OSBPL8: variants seen among roughly 807,000 people sequenced by gnomAD.
The protein encoded by OSBPL8 is oxysterol-binding protein-related protein 8.
OSBPL8 carries 59 observed loss-of-function variants against 125.5 expected under a neutral mutation model. That is an observed-to-expected ratio of 0.47 (90% CI 0.38 to 0.58). The LOEUF (loss-of-function observed/expected upper bound fraction) is 0.58. OSBPL8 is among the 20% of genes least tolerant of loss of function. The probability of loss-of-function intolerance (pLI) is 0.00; values close to 1 mark genes in which losing one functional copy is unlikely to be tolerated. For synonymous variants in OSBPL8, 330 were observed against 338.9 expected (o/e 0.97, Z 0.29); for missense variants, 758 against 1,047.8 (o/e 0.72, Z 3.82).
At chr12:76,414,553 G>T (rs1188480611) in intron 4 of OSBPL8, among the ~76,000 whole-genome samples, 1 of 150,028 alleles carries the variant, frequency 6.7e-6, no homozygotes, top group African/African-American at 2.5e-5. Flanking sequence ...CCTGTAACAG[G>T]CAATCCTTCA....
intron 2 of OSBPL8, among the ~76,000 whole-genome samples, chr12:76,478,187 G>A (rs1276088670): frequency 1.3e-5 from 2 of 151,978 alleles, no homozygotes; most frequent in Non-Finnish European, 2.9e-5. Flanking sequence ...AGGCAACAGA[G>A]CGAGACTCCA....
chr12:76,513,287 G>A (rs899455733), intron 1 of OSBPL8, among the ~76,000 whole-genome samples: 2 of 152,176 alleles, frequency 1.3e-5, no homozygotes, highest in African/African-American at 2.4e-5. Flanking sequence ...TGTGGTCCAA[G>A]AGCGTGTTTG....
At chr12:76,389,079 G>A (rs1253030232) in intron 12 of OSBPL8, among the ~76,000 whole-genome samples, 1 of 152,142 alleles carries the variant, frequency 6.6e-6, no homozygotes, top group Non-Finnish European at 1.5e-5. Context: ...AAATTGCTGG[G>A]ACAGAGGTGG....
chr12:76,530,535 T>G lies in OSBPL8; in HGVS notation c.-68+28862A>C, dbSNP rs994752899. 2.6e-5 allele frequency among the ~76,000 whole-genome samples: 4 copies of G among 152,324 alleles called. No homozygotes were observed. The East Asian group carries it at 7.7e-4, about 29-fold the overall frequency. On this transcript the variant is annotated intron_variant, in intron 1 of 23. Coordinates refer to ENST00000261183, the MANE Select transcript of OSBPL8 (RefSeq NM_020841.5). ...GCCTCCTCCCATTCTTTTATTCATC[T>G]TTTTACCAACTACTTTTTTTTCCAA...
chr12:76,412,408 A>T (rs1378726862), intron 4 of OSBPL8, among the ~76,000 whole-genome samples: 1 of 151,848 alleles, frequency 6.6e-6, no homozygotes, highest in Non-Finnish European at 1.5e-5. Context: ...CTGCACACTT[A>T]ATTACATGTA....
rs1293574731 is a variant in OSBPL8 at position 76,356,643 on chromosome 12, T to C, written c.2520A>G (p.Thr840=). Residue 840 remains threonine, a synonymous_variant, in exon 23 of 24, where the codon ACA becomes ACG. Coordinates refer to ENST00000261183, the MANE Select transcript of OSBPL8 (RefSeq NM_020841.5). ...ATTATTACCTTTTAATTTCTTCCTG[T>C]GTTTGTTTTATAGATTCGATGGAAC... ...IQSSIESIKQ[T]QEEIKRNIMA... is the part of the protein sequence containing the mutation. The C allele has an allele frequency of 2.5e-6, 4 of 1,599,342 alleles. No homozygotes were observed. Among genetic ancestry groups the C allele is most frequent in the Non-Finnish European group, 3.4e-6 (4 of 1,168,142 alleles).
intron 1 of OSBPL8, among the ~76,000 whole-genome samples, chr12:76,538,302 A>C (rs1950553128): frequency 6.6e-6 from 1 of 152,226 alleles, no homozygotes; most frequent in Non-Finnish European, 1.5e-5. Context: ...TACACTATTA[A>C]ATACTTTTTA....
intron 4 of OSBPL8, among the ~76,000 whole-genome samples, chr12:76,428,557 C>G (rs1212348705): frequency 2.2e-4 from 34 of 152,042 alleles, no homozygotes; most frequent in Admixed American, 2.2e-3. Context: ...CACATTTTAT[C>G]TTGAATCTCA....
At chr12:76,358,595 G>A in intron 22 of OSBPL8, 111 bp downstream of exon 22, 1 of 896,104 alleles carries the variant, frequency 1.1e-6, no homozygotes, top group Non-Finnish European at 1.8e-6. Flanking sequence ...TCTCAACCCT[G>A]CCCCGACCAA....
At chr12:76,500,418 G>A (rs1879777739) in intron 1 of OSBPL8, among the ~76,000 whole-genome samples, 1 of 152,112 alleles carries the variant, frequency 6.6e-6, no homozygotes, top group Non-Finnish European at 1.5e-5. Context: ...TCTTCACGAA[G>A]GCTTCCTTGA....
intron 15 of OSBPL8, among the ~76,000 whole-genome samples, chr12:76,383,427 A>T (rs1249888989): frequency 1.3e-5 from 2 of 151,700 alleles, no homozygotes; most frequent in Non-Finnish European, 2.9e-5. Flanking sequence ...ACCAAAACGA[A>T]CATCAAGGGA....
chr12:76,471,720 TC>T (rs1275794499), intron 2 of OSBPL8, among the ~76,000 whole-genome samples: 15 of 152,212 alleles, frequency 9.9e-5, no homozygotes, highest in African/African-American at 3.6e-4. Flanking sequence ...CACAATTTTG[TC>T]AATCTTATGT....
In OSBPL8 at chr12:76,390,671, A is replaced by G. The variant is rs1953521281; in HGVS notation, c.930-14T>C. ...CTATCATTTAACCTTAAGGGAAAGA[A>G]TTTTTAGGAGGAAGAATCAAGGATG... On this transcript the variant is annotated splice_polypyrimidine_tract_variant and intron_variant, in intron 10 of 23. Coordinates refer to ENST00000261183, the MANE Select transcript of OSBPL8 (RefSeq NM_020841.5). 6.7e-7 allele frequency: 1 copy of G among 1,492,626 alleles called. No homozygotes were observed. Among genetic ancestry groups the G allele is most frequent in the Non-Finnish European group, 9.3e-7 (1 of 1,072,812 alleles). 92.5% of individuals were successfully genotyped at this position (1,492,626 alleles called of 1,614,324 possible). A position where few individuals can be genotyped will look rare whatever the true frequency, so the allele number is the denominator to read the frequency against.
chr12:76,512,444 CTT>C (rs758425147), intron 1 of OSBPL8, among the ~76,000 whole-genome samples: 1 of 152,094 alleles, frequency 6.6e-6, no homozygotes, highest in Non-Finnish European at 1.5e-5. Flanking sequence ...AATATAAAGT[CTT>C]TTTCCCATTG....
chr12:76,385,378 T>C (rs1953266831), intron 14 of OSBPL8, among the ~76,000 whole-genome samples: 2 of 152,308 alleles, frequency 1.3e-5, no homozygotes, highest in Non-Finnish European at 2.9e-5. Flanking sequence ...TGGATGTATA[T>C]GAGTTCAAAT....
rs530615365 is a variant in OSBPL8, at chr12:76,547,789, A to G, written c.-68+11608T>C. ...AAGTCACTATTTTACACACAATTCT[A>G]AACAGTTTCATTCAGTTTCCAAGTA... On this transcript the variant is annotated intron_variant, in intron 1 of 23. Transcript: ENST00000261183. 2.6e-5 allele frequency among the ~76,000 whole-genome samples: 4 copies of G among 152,324 alleles called. No individual in the cohort carries two copies. In the East Asian group the frequency reaches 7.7e-4, roughly 29 times the overall value.
chr12:76,372,662 C>T (rs1374641578), intron 18 of OSBPL8, among the ~76,000 whole-genome samples: 1 of 152,152 alleles, frequency 6.6e-6, no homozygotes, highest in Non-Finnish European at 1.5e-5. Context: ...GGAGCATATA[C>T]TCAGTGCTCA....
Position 76,498,725 on chromosome 12 carries a change from CT to C in OSBPL8, c.-67-11108del, listed in dbSNP as rs369287376. On this transcript the variant is annotated intron_variant, in intron 1 of 23. Coordinates refer to ENST00000261183, the MANE Select transcript of OSBPL8 (RefSeq NM_020841.5). Reference sequence around the variant, plus strand: ...CTTAGTGGTAATAAAAGCCTCCCCACTTTTTTTTTTTTTTTTTTTTTTGAGA... The same window carrying C: ...CTTAGTGGTAATAAAAGCCTCCCCACTTTTTTTTTTTTTTTTTTTTTGAGA... Among the ~76,000 whole-genome samples the C allele has an allele frequency of 2.3e-3, 236 of 102,482 alleles. 1 individual carries two copies. Among genetic ancestry groups the C allele is most frequent in the Middle Eastern group, 6.0e-3 (1 of 166 alleles). The allele number at this position is 102,482 out of a possible 152,430, so 67.2% of individuals were successfully genotyped here.
chr12:76,403,799 A>G (rs1954145442), intron 5 of OSBPL8, among the ~76,000 whole-genome samples: 4 of 152,200 alleles, frequency 2.6e-5, no homozygotes, highest in Admixed American at 2.0e-4. Flanking sequence ...TCAAGGATAC[A>G]CACCTTTGTA....
Sources: gnomAD v4.1 joint callset for allele counts (sites outside exome capture counted in the v4.1 genomes callset) on GRCh38, gnomAD v4.1.1 for gene constraint, MANE v1.5 for transcripts, NCBI Gene and HGNC (gene_info 2026-07-23, HGNC 2026-07-21) for gene names.